The following ELOF1 variants were observed in gnomAD, a reference collection of about 807,000 sequenced individuals.
ELOF1 encodes elongation factor 1.
Under a neutral mutation model 7.1 loss-of-function variants are expected in ELOF1, and 4 were observed. The observed-to-expected ratio is 0.56, with a 90% CI of 0.28 to 1.29. The LOEUF (loss-of-function observed/expected upper bound fraction) is 1.29. Ranked by LOEUF, ELOF1 falls within the 50% of genes most tolerant of loss-of-function variation. The pLI, the probability that ELOF1 is intolerant of heterozygous loss-of-function variation, is 0.10. For synonymous variants in ELOF1, 31 were observed against 31.9 expected (o/e 0.97, Z 0.09); for missense variants, 59 against 86.3 (o/e 0.68, Z 1.25).
At chr19:11,553,119 A>G (rs1187525175) in intron 3 of ELOF1, 9 of 400,648 alleles carry the variant, frequency 2.2e-5, no homozygotes, top group Non-Finnish European at 4.0e-5. Flanking sequence ...TCCTCTACAA[A>G]AGCAACTGAA....
At chr19:11,554,307 T>C in exon 2 of ELOF1, 1 of 1,613,962 alleles carries the variant, frequency 6.2e-7, no homozygotes, top group Non-Finnish European at 8.5e-7. Flanking sequence ...TGTCATCTTC[T>C]TCTTGGGAGG....
intron 2 of ELOF1, 39 bp downstream of exon 2, chr19:11,554,193 A>G: frequency 6.2e-7 from 1 of 1,613,260 alleles, no homozygotes; most frequent in Non-Finnish European, 8.5e-7. Context: ...GGGAAGAGGC[A>G]GTGGGGAGGC....
At chr19:11,555,256 CAAAAAAAAAAAAA>C (rs5827127) in intron 1 of ELOF1, 1 of 87,390 alleles carries the variant, frequency 1.1e-5, no homozygotes, top group Non-Finnish European at 2.3e-5. Flanking sequence ...GACTCCGTCT[CAAAAAAAAAAAAA>C]AAAAAAAAGT....
chr19:11,553,609 A>G, intron 3 of ELOF1: 1 of 741,106 alleles, frequency 1.3e-6, no homozygotes, highest in South Asian at 1.7e-5. Flanking sequence ...ACACACACAC[A>G]CACACACACA....
chr19:11,557,337 T>C lies in ELOF1; in HGVS notation c.-19+1854A>G, dbSNP rs541149690. ...TGGGCCAGGCGCTGTGGCTCACGTT[T>C]ATAATCCCAGCACTTTGGGAGGCCA... On this transcript the variant is annotated intron_variant, in intron 1 of 3. Coordinates refer to ENST00000586683, the Ensembl canonical transcript of ELOF1. 1.2e-4 allele frequency among the ~76,000 whole-genome samples: 18 copies of C among 152,310 alleles called. No individual in the cohort carries two copies. In the South Asian group the frequency reaches 3.5e-3, roughly 30 times the overall value.
exon 3 of ELOF1, chr19:11,554,045 G>T: frequency 6.2e-7 from 1 of 1,614,186 alleles, no homozygotes; most frequent in South Asian, 1.1e-5. Context: ...CTAGGCACAC[G>T]GTACAAGAGA....
At chr19:11,556,931 C>A (rs1972842496) in intron 1 of ELOF1, among the ~76,000 whole-genome samples, 1 of 152,122 alleles carries the variant, frequency 6.6e-6, no homozygotes, top group Non-Finnish European at 1.5e-5. Context: ...TTTCTTTGAG[C>A]AACATCAAAT....
chr19:11,554,455 G>A, intron 1 of ELOF1, 90 bp from the exon 2 acceptor site: 24 of 1,514,970 alleles, frequency 1.6e-5, no homozygotes, highest in Non-Finnish European at 1.9e-5. Flanking sequence ...AGAGGGTCTG[G>A]GACTTGCACC....
At chr19:11,554,482 T>G in intron 1 of ELOF1, 117 bp from the exon 2 acceptor site, 1 of 1,419,002 alleles carries the variant, frequency 7.0e-7, no homozygotes, top group Non-Finnish European at 9.4e-7. Flanking sequence ...CCGGGGCCTC[T>G]GCCCTTGAGG....
chr19:11,553,706 C>CAGT (rs756540087), intron 3 of ELOF1: 1 of 1,613,692 alleles, frequency 6.2e-7, no homozygotes, highest in Non-Finnish European at 8.5e-7. Context: ...GCTGGATCCA[C>CAGT]AGTACGCGGG....
intron 1 of ELOF1, 93 bp from the exon 2 acceptor site, chr19:11,554,458 C>A: frequency 6.6e-7 from 1 of 1,508,844 alleles, no homozygotes; most frequent in South Asian, 1.3e-5. Context: ...GGGTCTGGGA[C>A]TTGCACCGTG....
At chr19:11,554,655 A>G (rs1243434289) in intron 1 of ELOF1, 1 of 453,708 alleles carries the variant, frequency 2.2e-6, no homozygotes, top group African/African-American at 2.0e-5. Context: ...AACAGAGACA[A>G]GGCCAGGCAT....
Position 11,553,608 on chromosome 19 carries a change from C to T in ELOF1, c.187+403G>A, listed in dbSNP as rs983975883. On this transcript the variant is annotated intron_variant, in intron 3 of 3. Coordinates refer to ENST00000586683, the Ensembl canonical transcript of ELOF1. ...ACACACACACACACACACACACACACACACACACACACACACACACACACG... is the reference window on the plus strand; with the variant it reads ...ACACACACACACACACACACACACATACACACACACACACACACACACACG... The T allele has an allele frequency of 6.8e-6, 5 of 733,626 alleles. No individual in the cohort carries two copies. The African/African-American group carries it at 7.2e-5, about 10-fold the overall frequency. 45.4% of individuals were successfully genotyped at this position (733,626 alleles called of 1,614,324 possible).
chr19:11,553,715 G>C (rs1167530613), intron 3 of ELOF1: 2 of 1,613,852 alleles, frequency 1.2e-6, no homozygotes, highest in Admixed American at 1.7e-5. Flanking sequence ...ACAGTACGCG[G>C]GGCTGCTCAG....
intron 3 of ELOF1, 60 bp from the exon 4 acceptor site, chr19:11,553,870 C>A: frequency 1.2e-6 from 2 of 1,612,810 alleles, no homozygotes; most frequent in Non-Finnish European, 1.7e-6. Flanking sequence ...CATCTTCTCA[C>A]CCCACAGAAA....
intron 1 of ELOF1, 132 bp from the exon 2 acceptor site, chr19:11,554,497 A>G (rs530237698): frequency 1.5e-6 from 2 of 1,293,190 alleles, no homozygotes; most frequent in Admixed American, 5.5e-5. Context: ...TTGAGGGACG[A>G]GGCCCTCAGT....
chr19:11,556,393 G>A (rs892729760), intron 1 of ELOF1, among the ~76,000 whole-genome samples: 3 of 151,502 alleles, frequency 2.0e-5, no homozygotes, highest in South Asian at 2.1e-4. Flanking sequence ...TCCACCTCCC[G>A]GCTTCAAATG....
chr19:11,553,641 C>A, intron 3 of ELOF1: 1 of 1,240,336 alleles, frequency 8.1e-7, no homozygotes, highest in Non-Finnish European at 1.1e-6. Flanking sequence ...ACGGCTGTGA[C>A]AGCCCAGGAC....
chr19:11,554,570 C>T, intron 1 of ELOF1: 1 of 670,710 alleles, frequency 1.5e-6, no homozygotes, highest in Non-Finnish European at 2.4e-6. Flanking sequence ...GAGGCTCTAA[C>T]CCCATCTCTC....
Sources: allele counts gnomAD v4.1 joint callset (sites outside exome capture counted in the v4.1 genomes callset), GRCh38; gene constraint gnomAD v4.1.1; transcripts MANE v1.5; gene names NCBI Gene and HGNC (gene_info 2026-07-23, HGNC 2026-07-21).